The following AXIN1 variants were observed in gnomAD, a reference collection of about 807,000 sequenced individuals.
AXIN1 encodes the protein axin 1.
In AXIN1, 30 loss-of-function variants were observed where a neutral mutation model predicts 76.4. The ratio of observed to expected loss-of-function variants is 0.39; its 90% confidence interval spans 0.29 to 0.53. The LOEUF (loss-of-function observed/expected upper bound fraction) is 0.53. AXIN1 is among the 20% of genes least tolerant of loss of function. AXIN1 has a pLI of 0.66. For missense variants in AXIN1, 1,140 were observed against 1,198.8 expected (o/e 0.95, Z 0.72); for synonymous variants, 545 against 501.4 (o/e 1.09, Z -1.16).
intron 2 of AXIN1, among the ~76,000 whole-genome samples, chr16:334,712 C>T (rs1334447738): frequency 6.6e-6 from 1 of 151,788 alleles, no homozygotes; most frequent in Non-Finnish European, 1.5e-5. Context: ...AATAACATAG[C>T]ACCCAGTACC....
At chr16:297,350 C>T in intron 6 of AXIN1, 124 bp from the exon 7 acceptor site, 2 of 1,299,964 alleles carry the variant, frequency 1.5e-6, no homozygotes, top group East Asian at 2.4e-5. Flanking sequence ...GCCCGCTGTC[C>T]CCTGCCCGCT....
chr16:344,646 G>A (rs1275503696), intron 2 of AXIN1, among the ~76,000 whole-genome samples: 2 of 151,672 alleles, frequency 1.3e-5, no homozygotes, highest in Admixed American at 6.6e-5. Flanking sequence ...GCGCCAACTC[G>A]CCTATCTAAT....
rs398028563 is a variant in AXIN1 at position 337,149 on chromosome 16, CAAAAAAAAAAAAAAA to C, written c.878+8984_878+8998del. Among the ~76,000 whole-genome samples the C allele has an allele frequency of 2.6e-4, 8 of 30,574 alleles. No homozygotes were observed. In the East Asian group the frequency reaches 4.9e-3, roughly 19 times the overall value. 20.1% of individuals were successfully genotyped at this position (30,574 alleles called of 152,430 possible). A position where few individuals can be genotyped will look rare whatever the true frequency, so the allele number is the denominator to read the frequency against. ...TGGGTGACAGAGCAAGACCCCGTCT[CAAAAAAAAAAAAAAA>C]AAAAAAAAAAAAAGACACATTTACG... On this transcript the variant is annotated intron_variant, in intron 2 of 10. Transcript: ENST00000262320.
rs1006933663 is a variant in AXIN1 at position 293,270 on chromosome 16, G to A, written c.2186+218C>T. ...CCAGAGCAATGAGCGCGGCGGCCTCGGGTGTGTGAAAGCTCCAGCCCCAGC... is the reference window on the plus strand; with the variant it reads ...CCAGAGCAATGAGCGCGGCGGCCTCAGGTGTGTGAAAGCTCCAGCCCCAGC... On this transcript the variant is annotated intron_variant, in intron 8 of 10. Coordinates refer to ENST00000262320, the MANE Select transcript of AXIN1 (RefSeq NM_003502.4). The surrounding 1 kb of genome is among the most constrained non-coding windows in gnomAD (Gnocchi z 4.6). 1.5e-5 allele frequency: 9 copies of A among 603,018 alleles called. No individual in the cohort carries two copies. The highest frequency in any genetic ancestry group is 2.9e-5 in the Admixed American group (1 of 34,040). The allele number at this position is 603,018 out of a possible 1,614,324, so 37.4% of individuals were successfully genotyped here.
chr16:318,076 C>T (rs74000510), intron 2 of AXIN1, among the ~76,000 whole-genome samples: 8,902 of 151,094 alleles, frequency 0.059, 846 homozygotes, highest in African/African-American at 0.2. Context: ...CGGCACATGG[C>T]GTGTCTGTCT....
chr16:288,128 CA>C lies in AXIN1; in HGVS notation c.2582del (p.Val861GlyfsTer77). On this transcript the variant is annotated frameshift_variant, in exon 11 of 11. Coordinates refer to ENST00000262320, the MANE Select transcript of AXIN1 (RefSeq NM_003502.4). LOFTEE classifies it high-confidence loss of function. ...CGGCCAGCCCACCAGCCTATCAGTC[CA>C]CCTTCTCCACTTTGCCGATGATCTT... ...EEKIIGKVEK[V>X]D The C allele has an allele frequency of 4.3e-6, 7 of 1,613,396 alleles. No individual in the cohort carries two copies. The highest frequency in any genetic ancestry group is 5.9e-6 in the Non-Finnish European group (7 of 1,180,010).
intron 2 of AXIN1, among the ~76,000 whole-genome samples, chr16:323,776 CCA>C (rs10673343): frequency 6.5e-4 from 96 of 148,090 alleles, no homozygotes; most frequent in East Asian, 2.8e-3. Flanking sequence ...TGAGACTCCA[CCA>C]CACACACACA....
chr16:300,680 A>G (rs1352190740), intron 5 of AXIN1, among the ~76,000 whole-genome samples: 1 of 152,142 alleles, frequency 6.6e-6, no homozygotes, highest in East Asian at 1.9e-4. Context: ...CGGATGCTGG[A>G]GCAGAGCCGG....
intron 2 of AXIN1, 134 bp from the exon 3 acceptor site, chr16:314,817 T>C (rs1032752248): frequency 4.1e-5 from 55 of 1,355,488 alleles, no homozygotes; most frequent in South Asian, 2.5e-4. Flanking sequence ...ATAAGGAGCA[T>C]GGAGAAAAGA....
At chr16:341,274 G>A (rs1005777874) in intron 2 of AXIN1, among the ~76,000 whole-genome samples, 1 of 152,262 alleles carries the variant, frequency 6.6e-6, no homozygotes, top group Non-Finnish European at 1.5e-5. Context: ...AGGGAGAGGC[G>A]CGAGCGGGAA....
rs567454307 is a variant in AXIN1, at chr16:295,704, G to A, written c.1955+1352C>T. 1.2e-4 allele frequency among the ~76,000 whole-genome samples: 18 copies of A among 152,326 alleles called. No individual in the cohort carries two copies. In the East Asian group the frequency reaches 1.7e-3, roughly 15 times the overall value. On this transcript the variant is annotated intron_variant, in intron 7 of 10. Transcript: ENST00000262320. The stretch of plus-strand genomic sequence containing the variant: ...CGGCCGGGCACGGTGGCTCACGCCT[G>A]TAATCCTAGCACTCCAGGAGGCCGA...
At chr16:307,853 T>C (rs1324630476) in intron 4 of AXIN1, among the ~76,000 whole-genome samples, 1 of 152,330 alleles carries the variant, frequency 6.6e-6, no homozygotes, top group African/African-American at 2.4e-5. Flanking sequence ...TCCCCCCGCC[T>C]CTGCTCACCA....
intron 2 of AXIN1, among the ~76,000 whole-genome samples, chr16:340,286 GC>G (rs1247291161): frequency 3.3e-5 from 5 of 152,102 alleles, no homozygotes; most frequent in Non-Finnish European, 5.9e-5. Context: ...CCACTCTCTG[GC>G]CACAGCCACA....
At chr16:304,264 G>A (rs372925490) in intron 5 of AXIN1, 40 bp downstream of exon 5, 87 of 1,600,652 alleles carry the variant, frequency 5.4e-5, no homozygotes, top group Non-Finnish European at 7.0e-5. Context: ...AAAACAGCAC[G>A]ACACCGACGC....
intron 8 of AXIN1, chr16:292,370 G>C (rs902825020): frequency 1.3e-5 from 2 of 152,270 alleles, no homozygotes; most frequent in African/African-American, 2.4e-5. Flanking sequence ...TCTGGCCCCA[G>C]AGCTGTCATT....
chr16:330,043 G>A (rs2053663574), intron 2 of AXIN1, among the ~76,000 whole-genome samples: 1 of 150,868 alleles, frequency 6.6e-6, no homozygotes, highest in Non-Finnish European at 1.5e-5. Flanking sequence ...TGGGATTACA[G>A]GCATGACCCA....
chr16:296,251 G>A (rs772583676), intron 7 of AXIN1, among the ~76,000 whole-genome samples: 1 of 152,260 alleles, frequency 6.6e-6, no homozygotes, highest in Non-Finnish European at 1.5e-5. Context: ...CCACGCCCCA[G>A]GCGCTCAGCT....
At position 311,155 on chromosome 16, in the gene AXIN1, G is replaced by A. The variant is rs533003250; in HGVS notation, c.1020-1086C>T. Reference sequence around the variant, plus strand: ...CGCCATTCTCCTGCCTCAGCCTCCCGAGTAGCTGGGACTACAGGTGCCCGC... The same window carrying A: ...CGCCATTCTCCTGCCTCAGCCTCCCAAGTAGCTGGGACTACAGGTGCCCGC... On this transcript the variant is annotated intron_variant, in intron 3 of 10. Coordinates refer to ENST00000262320, the MANE Select transcript of AXIN1 (RefSeq NM_003502.4). Among the ~76,000 whole-genome samples the A allele has an allele frequency of 2.4e-4, 36 of 151,288 alleles. 1 individual carries two copies. The highest frequency in any genetic ancestry group is 4.4e-4 in the African/African-American group (18 of 41,232).
chr16:323,221 C>T (rs1176772814), intron 2 of AXIN1, among the ~76,000 whole-genome samples: 6 of 152,132 alleles, frequency 3.9e-5, no homozygotes, highest in East Asian at 3.9e-4. Context: ...AGGCATATCA[C>T]GAGGTCAGGA....
Sources: gnomAD v4.1 joint callset for allele counts (sites outside exome capture counted in the v4.1 genomes callset) on GRCh38, gnomAD v4.1.1 for gene constraint, Gnocchi (gnomAD v3.1) non-coding constraint, MANE v1.5 for transcripts, NCBI Gene and HGNC (gene_info 2026-07-23, HGNC 2026-07-21) for gene names.